Variants in SSUH2 observed in about 807,000 individuals in gnomAD.
SSUH2 encodes protein SSUH2 homolog.
SSUH2 carries 47 observed loss-of-function variants against 55.3 expected under a neutral mutation model. The ratio of observed to expected loss-of-function variants is 0.85; its 90% CI spans 0.67 to 1.08. SSUH2 has a LOEUF of 1.08. Ranked by LOEUF, SSUH2 falls within the 50% of genes least tolerant of loss-of-function variation. The pLI is 0.00. For synonymous variants in SSUH2, 212 were observed against 191.5 expected (o/e 1.11, Z -0.89); for missense variants, 535 against 490.7 (o/e 1.09, Z -0.85).
At chr3:8,644,938 G>C, upstream of SSUH2, 1 of 639,848 alleles carries the variant, frequency 1.6e-6, no homozygotes, top group Non-Finnish European at 2.8e-6. Context: ...CAATCCACCG[G>C]GTTCTGGGAG....
rs1010216844 is a variant in SSUH2 at position 8,633,872 on chromosome 3, A to G, written c.210-77T>C. ...TCACGCGGGCCAGCCAGCCTCCTCA[A>G]CGTGCAGGCGAGAAACTGAGGCCAC... is the stretch of plus-strand genomic sequence containing the variant. On this transcript the variant is annotated intron_variant, in intron 3 of 11. Coordinates refer to ENST00000544814, the MANE Select transcript of SSUH2 (RefSeq NM_001256748.3). 3.1e-6 allele frequency: 5 copies of G among 1,613,728 alleles called. No homozygotes were observed. The African/African-American group carries it at 5.3e-5, about 17-fold the overall frequency.
At chr3:8,626,664 A>T (rs910741020) in intron 8 of SSUH2, among the ~76,000 whole-genome samples, 4 of 151,970 alleles carry the variant, frequency 2.6e-5, no homozygotes, top group African/African-American at 9.7e-5. Context: ...AGGCGAGTGC[A>T]ATGAGATCTG....
intron 7 of SSUH2, among the ~76,000 whole-genome samples, chr3:8,657,047 AT>A (rs1472388523): frequency 5.9e-5 from 9 of 151,982 alleles, no homozygotes; most frequent in Non-Finnish European, 1.2e-4. Context: ...CACCCGGCCA[AT>A]TTTTGTATTT....
chr3:8,623,327 CA>C, intron 11 of SSUH2: 2 of 521,278 alleles, frequency 3.8e-6, no homozygotes, highest in Non-Finnish European at 6.9e-6. Context: ...AATAAAAATG[CA>C]AACTTCTCCT....
chr3:8,640,878 T>C (rs1299581116), intron 1 of SSUH2, among the ~76,000 whole-genome samples: 1 of 152,196 alleles, frequency 6.6e-6, no homozygotes, highest in East Asian at 1.9e-4. Context: ...TTGTTTTCAA[T>C]TATTTGAGAT....
At chr3:8,676,529 G>A (rs568720369) in intron 3 of SSUH2, among the ~76,000 whole-genome samples, 9 of 151,090 alleles carry the variant, frequency 6.0e-5, no homozygotes, top group African/African-American at 1.5e-4. Context: ...TCACACGGGG[G>A]TGAATACTTA....
upstream of SSUH2, among the ~76,000 whole-genome samples, chr3:8,647,401 G>A (rs1188637957): frequency 6.6e-6 from 1 of 152,242 alleles, no homozygotes; most frequent in East Asian, 1.9e-4. Flanking sequence ...GAAGCTTGGT[G>A]ATTAAACAAA....
intron 1 of SSUH2, among the ~76,000 whole-genome samples, chr3:8,639,308 G>A (rs538639157): frequency 6.6e-6 from 1 of 152,184 alleles, no homozygotes. Context: ...CTCCCAAAGG[G>A]ACATTGTAGG....
chr3:8,659,918 G>C (rs754778161), intron 6 of SSUH2: 1 of 402,722 alleles, frequency 2.5e-6, no homozygotes, highest in Non-Finnish European at 4.9e-6. Context: ...ATCTGAGTTG[G>C]ATCTTAAAGG....
chr3:8,678,378 C>A (rs1398894141), intron 2 of SSUH2, among the ~76,000 whole-genome samples: 1 of 152,074 alleles, frequency 6.6e-6, no homozygotes, highest in East Asian at 1.9e-4. Flanking sequence ...TCATCCTCTC[C>A]CTTTCAGGAT....
At chr3:8,644,000 C>T (rs1163877343) in intron 1 of SSUH2, among the ~76,000 whole-genome samples, 5 of 151,882 alleles carry the variant, frequency 3.3e-5, no homozygotes, top group African/African-American at 7.3e-5. Flanking sequence ...TCCCCGCCAC[C>T]GGCAACCACC....
intron 2 of SSUH2, chr3:8,677,424 T>C (rs1705497998): frequency 6.6e-6 from 1 of 150,772 alleles, no homozygotes; most frequent in Non-Finnish European, 1.5e-5. Flanking sequence ...TCCCAAACTT[T>C]GCAGTATTAG....
chr3:8,635,732 A>G, intron 2 of SSUH2, 27 bp downstream of exon 2: 1 of 1,526,120 alleles, frequency 6.6e-7, no homozygotes. Flanking sequence ...GTAGAAGCCC[A>G]AAGAACCAAG....
rs1480809435 is a variant in SSUH2, at chr3:8,626,438, T to C, written c.675-117A>G. 4.5e-5 allele frequency: 33 copies of C among 726,098 alleles called. No individual in the cohort carries two copies. In the East Asian group the frequency reaches 8.2e-4, roughly 18 times the overall value. 45.0% of individuals were successfully genotyped at this position (726,098 alleles called of 1,614,324 possible). The stretch of plus-strand genomic sequence containing the variant: ...TAGACTGTGGTGGGCCTGCATTGTT[T>C]GTACCTGCCCACCACCTAGTCCTCC... On this transcript the variant is annotated intron_variant, in intron 8 of 11. Transcript: ENST00000544814.
intron 1 of SSUH2, among the ~76,000 whole-genome samples, chr3:8,640,586 G>A (rs1398285818): frequency 6.6e-6 from 1 of 152,112 alleles, no homozygotes; most frequent in Non-Finnish European, 1.5e-5. Flanking sequence ...GCAGCTAACT[G>A]TGGAAGACGG....
chr3:8,680,957 C>T (rs1288173893), intron 1 of SSUH2, among the ~76,000 whole-genome samples: 3 of 143,486 alleles, frequency 2.1e-5, no homozygotes, highest in South Asian at 4.2e-4. Flanking sequence ...GAATTATTAT[C>T]ATCCTCTCCC....
At chr3:8,622,922 T>G (rs1696731499) in intron 11 of SSUH2, among the ~76,000 whole-genome samples, 1 of 152,098 alleles carries the variant, frequency 6.6e-6, no homozygotes, top group African/African-American at 2.4e-5. Flanking sequence ...AAACGCAGGA[T>G]CTCAGCCCAG....
intron 11 of SSUH2, among the ~76,000 whole-genome samples, chr3:8,622,656 C>T (rs1696680123): frequency 6.6e-6 from 1 of 152,166 alleles, no homozygotes; most frequent in Non-Finnish European, 1.5e-5. Context: ...CTTCCAGCTC[C>T]AAGATGATCC....
In SSUH2 at chr3:8,634,944, A is replaced by G. The variant is rs143446540; in HGVS notation, c.209+356T>C. 5.6e-3 allele frequency among the ~76,000 whole-genome samples: 848 copies of G among 152,294 alleles called. 10 individuals carry two copies. The highest frequency in any genetic ancestry group is 0.019 in the African/African-American group (796 of 41,566). On this transcript the variant is annotated intron_variant, in intron 3 of 11. Coordinates refer to ENST00000544814, the MANE Select transcript of SSUH2 (RefSeq NM_001256748.3). ...CGTAGCCCACATAGTCTCTGTCTCAATTACTCAGCTCTGGAGTAAAAGCTG... is the reference window on the plus strand; with the variant it reads ...CGTAGCCCACATAGTCTCTGTCTCAGTTACTCAGCTCTGGAGTAAAAGCTG...
Sources: allele counts gnomAD v4.1 joint callset (sites outside exome capture counted in the v4.1 genomes callset), GRCh38; gene constraint gnomAD v4.1.1; transcripts MANE v1.5; gene names NCBI Gene and HGNC (gene_info 2026-07-23, HGNC 2026-07-21).